RFX4: variants seen among roughly 807,000 people sequenced by gnomAD.
The protein encoded by RFX4 is regulatory factor X4, also known as transcription factor RFX4.
A neutral mutation model predicts 95.0 loss-of-function variants in RFX4; 10 were observed. That is an observed-to-expected ratio of 0.11 (90% CI 0.06 to 0.18). RFX4 has a LOEUF of 0.18. Among genes scored for constraint, RFX4 ranks in the 10% least tolerant of loss-of-function variants. The probability of loss-of-function intolerance (pLI) is 1.00; values close to 1 mark genes in which losing one functional copy is unlikely to be tolerated. For missense variants in RFX4, 640 were observed against 922.0 expected (o/e 0.69, Z 3.96); for synonymous variants, 321 against 340.7 (o/e 0.94, Z 0.64).
rs146367843 is a variant in RFX4 at position 106,648,948 on chromosome 12, C to A, written c.192-5280C>A. ...ACATGCTGAAACCTTGTGAGGAAGTCTTCTTAAAAATATATAACTCAGATA... is the reference window on the plus strand; with the variant it reads ...ACATGCTGAAACCTTGTGAGGAAGTATTCTTAAAAATATATAACTCAGATA... On this transcript the variant is annotated intron_variant, in intron 3 of 17. Coordinates refer to ENST00000392842, the MANE Select transcript of RFX4 (RefSeq NM_213594.3). 9.9e-3 allele frequency among the ~76,000 whole-genome samples: 1,512 copies of A among 152,110 alleles called. 21 individuals carry two copies. The highest frequency in any genetic ancestry group is 0.012 in the Non-Finnish European group (847 of 67,986).
intron 10 of RFX4, among the ~76,000 whole-genome samples, chr12:106,712,982 C>T (rs998698957): frequency 6.6e-6 from 1 of 152,142 alleles, no homozygotes; most frequent in African/African-American, 2.4e-5. Context: ...TGCCTATAGC[C>T]ACGTGTTGCA....
chr12:106,606,867 G>T (rs1041538136), intron 1 of RFX4, among the ~76,000 whole-genome samples: 1 of 152,102 alleles, frequency 6.6e-6, no homozygotes, highest in African/African-American at 2.4e-5. Flanking sequence ...TAGCTTACTC[G>T]TCCGCGTGGC....
intron 1 of RFX4, among the ~76,000 whole-genome samples, chr12:106,597,034 G>C (rs1366484053): frequency 6.6e-6 from 1 of 152,164 alleles, no homozygotes; most frequent in Non-Finnish European, 1.5e-5. Flanking sequence ...ACACTCTTTG[G>C]ATCCCTTACT....
intron 4 of RFX4, among the ~76,000 whole-genome samples, chr12:106,657,241 T>C (rs563126467): frequency 6.6e-6 from 1 of 152,368 alleles, no homozygotes; most frequent in South Asian, 2.1e-4. Flanking sequence ...TGATGAACTT[T>C]TAACTTAGAG....
At chr12:106,748,432 T>C (rs2042935486) in intron 16 of RFX4, among the ~76,000 whole-genome samples, 1 of 152,236 alleles carries the variant, frequency 6.6e-6, no homozygotes, top group Admixed American at 6.5e-5. Context: ...CCATAGGTTC[T>C]AGCGGTGTTT....
chr12:106,614,846 C>CACGCCTGTAATCCTACCA, intron 2 of RFX4, among the ~76,000 whole-genome samples: 1 of 152,062 alleles, frequency 6.6e-6, no homozygotes, highest in African/African-American at 2.4e-5. Context: ...TTGGTTTTCT[C>CACGCCTGTAATCCTACCA]CTTAAAGGTT....
chr12:106,696,577 A>C, intron 8 of RFX4, 131 bp downstream of exon 8: 1 of 830,746 alleles, frequency 1.2e-6, no homozygotes, highest in Non-Finnish European at 1.7e-6. Context: ...TTGAACTTTT[A>C]AATATTAAAG....
At chr12:106,710,817 T>C (rs1210178644) in intron 9 of RFX4, among the ~76,000 whole-genome samples, 2 of 152,216 alleles carry the variant, frequency 1.3e-5, no homozygotes, top group African/African-American at 4.8e-5. Context: ...ATGTCTTGTC[T>C]GCGTTGAAAT....
At chr12:106,684,526 G>A (rs551865762) in intron 5 of RFX4, 1 of 309,652 alleles carries the variant, frequency 3.2e-6, no homozygotes, top group East Asian at 6.5e-5. Flanking sequence ...CACTGTGGTT[G>A]TTGATTTTAG....
chr12:106,632,989 T>C (rs984440643), intron 2 of RFX4, among the ~76,000 whole-genome samples: 1 of 152,234 alleles, frequency 6.6e-6, no homozygotes, highest in Admixed American at 6.5e-5. Context: ...GCACCTGTCA[T>C]GGGACTGGAA....
chr12:106,637,229 A>C (rs2040531808), intron 2 of RFX4, among the ~76,000 whole-genome samples: 1 of 152,202 alleles, frequency 6.6e-6, no homozygotes, highest in Admixed American at 6.5e-5. Context: ...CGTTCTACAA[A>C]TAAGGAAGAA....
chr12:106,601,091 G>A (rs1166496739), intron 1 of RFX4: 9 of 1,384,796 alleles, frequency 6.5e-6, no homozygotes, highest in Middle Eastern at 2.7e-4. Context: ...AGGCAGGGCA[G>A]GGCCCCTTCC....
chr12:106,741,562 G>C (rs569218628), intron 15 of RFX4, among the ~76,000 whole-genome samples: 1 of 152,302 alleles, frequency 6.6e-6, no homozygotes, highest in African/African-American at 2.4e-5. Flanking sequence ...ATTGTATTTA[G>C]TTTTAATTCA....
intron 3 of RFX4, among the ~76,000 whole-genome samples, chr12:106,648,965 A>G (rs1012493854): frequency 6.6e-6 from 1 of 152,058 alleles, no homozygotes; most frequent in Non-Finnish European, 1.5e-5. Context: ...AAAATATATA[A>G]CTCAGATAAT....
At chr12:106,588,396 C>T (rs2039493727) in intron 1 of RFX4, among the ~76,000 whole-genome samples, 1 of 152,186 alleles carries the variant, frequency 6.6e-6, no homozygotes, top group Admixed American at 6.5e-5. Context: ...GATAATGAAG[C>T]TGGCATCACA....
chr12:106,591,558 G>A (rs942878993), intron 1 of RFX4, among the ~76,000 whole-genome samples: 2 of 152,036 alleles, frequency 1.3e-5, no homozygotes, highest in Admixed American at 1.3e-4. Context: ...GAGCCATCGC[G>A]TCCGGCTAAA....
chr12:106,589,408 T>C (rs1467047656), intron 1 of RFX4, among the ~76,000 whole-genome samples: 1 of 152,136 alleles, frequency 6.6e-6, no homozygotes, highest in Non-Finnish European at 1.5e-5. Context: ...AACATAAAAA[T>C]TGAGTCATTT....
At chr12:106,633,920 C>T (rs1479741431) in intron 2 of RFX4, among the ~76,000 whole-genome samples, 1 of 152,174 alleles carries the variant, frequency 6.6e-6, no homozygotes, top group Non-Finnish European at 1.5e-5. Context: ...TCTTGGAGTA[C>T]CCTCTCCCTT....
intron 4 of RFX4, among the ~76,000 whole-genome samples, chr12:106,668,214 C>A (rs2041214718): frequency 6.6e-6 from 1 of 152,138 alleles, no homozygotes; most frequent in Admixed American, 6.5e-5. Context: ...TTCTATATCA[C>A]CTCATGGTCC....
Sources: allele counts gnomAD v4.1 joint callset (sites outside exome capture counted in the v4.1 genomes callset), GRCh38; gene constraint gnomAD v4.1.1; transcripts MANE v1.5; gene names NCBI Gene and HGNC (gene_info 2026-07-23, HGNC 2026-07-21).